Variants in WDPCP observed in about 807,000 individuals in gnomAD.
WDPCP encodes WD repeat-containing and planar cell polarity effector protein fritz homolog.
WDPCP carries 71 observed loss-of-function variants against 93.1 expected under a neutral mutation model. The ratio of observed to expected loss-of-function variants is 0.76; its 90% CI spans 0.63 to 0.93. WDPCP has a LOEUF of 0.93. WDPCP is among the 40% of genes least tolerant of loss of function. WDPCP has a pLI of 0.00. For missense variants in WDPCP, 844 were observed against 887.4 expected (o/e 0.95, Z 0.62); for synonymous variants, 315 against 315.0 (o/e 1.00, Z 0.00).
chr2:63,196,114 A>G (rs2104281138), intron 14 of WDPCP, among the ~76,000 whole-genome samples: 1 of 152,308 alleles, frequency 6.6e-6, no homozygotes, highest in African/African-American at 2.4e-5. Flanking sequence ...ATTTTTCATT[A>G]TATTTAGTGC....
At chr2:63,492,196 C>T (rs1312844758) in intron 2 of WDPCP, among the ~76,000 whole-genome samples, 3 of 151,912 alleles carry the variant, frequency 2.0e-5, no homozygotes, top group Admixed American at 1.3e-4. Context: ...TATTCTTCTC[C>T]TAAATACAAG....
chr2:63,293,281 GAA>G (rs1684583269), intron 13 of WDPCP, among the ~76,000 whole-genome samples: 1 of 152,140 alleles, frequency 6.6e-6, no homozygotes, highest in Non-Finnish European at 1.5e-5. Context: ...CCAAGGGCAG[GAA>G]AAGTATAGTT....
chr2:63,181,072 TGTTGA>T (rs1337070929), intron 14 of WDPCP, among the ~76,000 whole-genome samples: 3 of 152,094 alleles, frequency 2.0e-5, no homozygotes, highest in East Asian at 1.9e-4. Context: ...TTTTTGTTGT[TGTTGA>T]GTTGTTTGAG....
the WDPCP span, among the ~76,000 whole-genome samples, chr2:63,833,188 G>A: frequency 3.9e-5 from 6 of 152,196 alleles, no homozygotes; most frequent in African/African-American, 1.2e-4. Context: ...GGGAGGTGGA[G>A]GTTGCAGTGA....
At chr2:63,359,410 G>A (rs1055611553) in intron 12 of WDPCP, among the ~76,000 whole-genome samples, 1 of 152,162 alleles carries the variant, frequency 6.6e-6, no homozygotes, top group Non-Finnish European at 1.5e-5. Flanking sequence ...ATAAGTACAT[G>A]AAAAGATGTT....
intron 2 of WDPCP, among the ~76,000 whole-genome samples, chr2:63,681,681 G>A (rs1710492125): frequency 6.6e-6 from 1 of 152,192 alleles, no homozygotes. Flanking sequence ...CCAAGGCCTT[G>A]AGTGAATATA....
At chr2:63,275,727 A>G (rs1453499401) in intron 13 of WDPCP, among the ~76,000 whole-genome samples, 3 of 152,212 alleles carry the variant, frequency 2.0e-5, no homozygotes, top group Non-Finnish European at 2.9e-5. Flanking sequence ...AGTAAAAAAA[A>G]CCAAAGAGGA....
intron 13 of WDPCP, among the ~76,000 whole-genome samples, chr2:63,277,290 C>G (rs1198556051): frequency 6.6e-6 from 1 of 152,130 alleles, no homozygotes; most frequent in East Asian, 1.9e-4. Flanking sequence ...AAGCATGACT[C>G]TCAGAGGACC....
intron 2 of WDPCP, among the ~76,000 whole-genome samples, chr2:63,766,667 T>C (rs565719089): frequency 6.6e-6 from 1 of 152,140 alleles, no homozygotes; most frequent in South Asian, 2.1e-4. Context: ...AACACATTAA[T>C]ACACCTGTGA....
chr2:63,136,924 T>C (rs1670662572), intron 17 of WDPCP, among the ~76,000 whole-genome samples: 2 of 152,196 alleles, frequency 1.3e-5, no homozygotes, highest in South Asian at 4.1e-4. Context: ...TATTCCATGG[T>C]ATATATGTAC....
At chr2:63,588,534 C>T, upstream of WDPCP, 1 of 593,866 alleles carries the variant, frequency 1.7e-6, no homozygotes, top group South Asian at 2.0e-5. Flanking sequence ...GTTTCCGGGT[C>T]GATCCAGCTT....
chr2:63,749,942 A>C (rs1669856290), intron 2 of WDPCP, among the ~76,000 whole-genome samples: 1 of 152,110 alleles, frequency 6.6e-6, no homozygotes, highest in Admixed American at 6.5e-5. Flanking sequence ...ATGCTCTTCC[A>C]ATGCAAATAT....
In WDPCP at chr2:63,700,861, A is replaced by C. The variant is rs1669037729; in HGVS notation, n.309-50023T>G. Among the ~76,000 whole-genome samples, 5 of 152,342 alleles carry C rather than the reference A, an allele frequency of 3.3e-5. No homozygotes were observed. In the South Asian group the frequency reaches 1.0e-3, roughly 32 times the overall value. On this transcript the variant is annotated intron_variant and non_coding_transcript_variant, in intron 2 of 4. Transcript: ENST00000467687. ...GACCTCTATCTCTCACTATATGCAA[A>C]AATCAAATAAAATGGATTGATGACT...
At chr2:63,311,583 T>G (rs1245525142) in intron 13 of WDPCP, among the ~76,000 whole-genome samples, 1 of 152,144 alleles carries the variant, frequency 6.6e-6, no homozygotes, top group Non-Finnish European at 1.5e-5. Context: ...GTAAAACCAC[T>G]TCTATACTTC....
intron 14 of WDPCP, among the ~76,000 whole-genome samples, chr2:63,239,956 CAG>C (rs1334661735): frequency 1.3e-5 from 2 of 151,980 alleles, no homozygotes; most frequent in African/African-American, 4.8e-5. Context: ...GATTTTTTCA[CAG>C]AGTTATATGT....
chr2:63,634,454 G>A (rs1039609724), intron 3 of WDPCP, among the ~76,000 whole-genome samples: 1 of 152,106 alleles, frequency 6.6e-6, no homozygotes, highest in Non-Finnish European at 1.5e-5. Context: ...TTTCAAAATG[G>A]ACAGTCATCC....
At chr2:63,601,598 A>G (rs1371962836) in intron 3 of WDPCP, among the ~76,000 whole-genome samples, 2 of 152,240 alleles carry the variant, frequency 1.3e-5, no homozygotes, top group Non-Finnish European at 2.9e-5. Context: ...CATGAATCAT[A>G]TTAAGAAACT....
chr2:63,635,802 A>T (rs2106634293), intron 3 of WDPCP, among the ~76,000 whole-genome samples: 1 of 152,308 alleles, frequency 6.6e-6, no homozygotes, highest in South Asian at 2.1e-4. Context: ...AACAAGACAG[A>T]CAAGGATGTC....
At chr2:63,644,824 T>A (rs182286673) in intron 3 of WDPCP, among the ~76,000 whole-genome samples, 1 of 152,308 alleles carries the variant, frequency 6.6e-6, no homozygotes, top group East Asian at 1.9e-4. Flanking sequence ...ACTAATGATT[T>A]TTCGAGTTTC....
Sources: gnomAD v4.1 joint callset for allele counts (sites outside exome capture counted in the v4.1 genomes callset) on GRCh38, gnomAD v4.1.1 for gene constraint, MANE v1.5 for transcripts, NCBI Gene and HGNC (gene_info 2026-07-23, HGNC 2026-07-21) for gene names.